CRAMP1: variants seen among roughly 807,000 people sequenced by gnomAD.
CRAMP1 encodes the protein cramped chromatin regulator 1.
In CRAMP1, 50 loss-of-function variants were observed where a neutral mutation model predicts 115.4. The observed-to-expected ratio is 0.43, with a 90% CI of 0.35 to 0.55. CRAMP1 has a LOEUF of 0.55. Ranked by LOEUF, CRAMP1 falls within the 20% of genes least tolerant of loss-of-function variation. The pLI, the probability that CRAMP1 is intolerant of heterozygous loss-of-function variation, is 0.01. For missense variants in CRAMP1, 1,679 were observed against 1,721.7 expected (o/e 0.98, Z 0.44); for synonymous variants, 866 against 745.4 (o/e 1.16, Z -2.64).
At position 1,655,902 on chromosome 16, in the gene CRAMP1, T is replaced by G. The variant is rs766187790; in HGVS notation, c.1145T>G (p.Leu382Arg). The G allele has an allele frequency of 1.9e-6, 3 of 1,611,324 alleles. No individual in the cohort carries two copies. The highest frequency in any genetic ancestry group is 2.5e-6 in the Non-Finnish European group (3 of 1,178,504). ...RVRKTLEERQ[L>R]QDSCSAPMQE... ...CGGAAGACACTCGAGGAGCGGCAGC[T>G]GCAGGACTCATGCTCCGCACCGATG... The change falls in exon 10 of 21, where the codon CTG becomes CGG. Residue 382 changes from leucine to arginine, a missense_variant. Transcript: ENST00000397412.
intron 1 of CRAMP1, among the ~76,000 whole-genome samples, chr16:1,613,165 G>A (rs1292071725): frequency 6.6e-6 from 1 of 152,154 alleles, no homozygotes; most frequent in Non-Finnish European, 1.5e-5. Flanking sequence ...TGGGTTGAGG[G>A]GGAAGAGTGG....
intron 6 of CRAMP1, among the ~76,000 whole-genome samples, chr16:1,651,364 CAGGTCACGGAAAGGTGGACTGAG>C (rs1244920243): frequency 6.8e-6 from 1 of 146,394 alleles, no homozygotes; most frequent in Non-Finnish European, 1.5e-5. Context: ...AGGTCACGCA[CAGGTCACGGAAAGGTGGACTGAG>C]AGGTCACGGA....
chr16:1,646,846 TAGG>T (rs1465722533), intron 6 of CRAMP1, among the ~76,000 whole-genome samples: 1 of 152,268 alleles, frequency 6.6e-6, no homozygotes, highest in Admixed American at 6.5e-5. Context: ...ATGTGAAGTT[TAGG>T]AGGAGCTTTG....
chr16:1,615,012 C>T lies in CRAMP1; in HGVS notation c.346+27C>T, dbSNP rs754153222. On this transcript the variant is annotated intron_variant, in intron 2 of 20. Coordinates refer to ENST00000397412, the MANE Select transcript of CRAMP1 (RefSeq NM_020825.4). The stretch of plus-strand genomic sequence containing the variant: ...TAGGGCGGCCCGTCCCCTTGGGAGA[C>T]CCCAGCCCCTCTCCGGGGTGTGCCG... 9.2e-6 allele frequency: 11 copies of T among 1,200,504 alleles called. No individual in the cohort carries two copies. The African/African-American group carries it at 1.7e-4, about 19-fold the overall frequency. 74.4% of individuals were successfully genotyped at this position (1,200,504 alleles called of 1,614,324 possible).
rs1394121382 is a variant in CRAMP1, at chr16:1,672,352, G to C, written c.3646-1529G>C. On this transcript the variant is annotated intron_variant, in intron 20 of 20. Transcript: ENST00000397412. The surrounding 1 kb of genome is among the most constrained non-coding windows in gnomAD (Gnocchi z 4.9). ...TCAGCGTTTAGCATGAGATTTTCCCGAGAGCCCTCCACTCAGAACGTGAGT... is the reference window on the plus strand; with the variant it reads ...TCAGCGTTTAGCATGAGATTTTCCCCAGAGCCCTCCACTCAGAACGTGAGT... 6.6e-6 allele frequency among the ~76,000 whole-genome samples: 1 copy of C among 152,104 alleles called. No homozygotes were observed. Among genetic ancestry groups the C allele is most frequent in the Non-Finnish European group, 1.5e-5 (1 of 68,032 alleles).
chr16:1,667,479 C>T, intron 17 of CRAMP1, 79 bp downstream of exon 17: 1 of 1,130,924 alleles, frequency 8.8e-7, no homozygotes, highest in South Asian at 1.3e-5. Context: ...CACCTGCAGT[C>T]TTGGAGTGGC....
intron 6 of CRAMP1, among the ~76,000 whole-genome samples, chr16:1,652,216 T>G (rs2036730681): frequency 1.3e-5 from 2 of 152,220 alleles, no homozygotes; most frequent in Non-Finnish European, 1.5e-5. Context: ...CATCAGCTTG[T>G]GCCAGGCCAG....
chr16:1,624,564 G>A (rs929501696), intron 2 of CRAMP1, among the ~76,000 whole-genome samples: 1 of 151,384 alleles, frequency 6.6e-6, no homozygotes, highest in Non-Finnish European at 1.5e-5. Context: ...GACTACAGGC[G>A]TGCACCACCA....
intron 13 of CRAMP1, 67 bp downstream of exon 13, chr16:1,662,902 C>A: frequency 1.6e-6 from 2 of 1,229,212 alleles, no homozygotes; most frequent in Non-Finnish European, 2.3e-6. Flanking sequence ...AGGGCTTCTT[C>A]CCTCTCTCAC....
rs558720227 is a variant in CRAMP1 at position 1,669,671 on chromosome 16, T to C, written c.3499+506T>C. Among the ~76,000 whole-genome samples, 4 of 152,330 alleles carry C rather than the reference T, an allele frequency of 2.6e-5. No homozygotes were observed. The highest frequency in any genetic ancestry group is 2.1e-4 in the South Asian group (1 of 4,824). On this transcript the variant is annotated intron_variant, in intron 19 of 20. Coordinates refer to ENST00000397412, the MANE Select transcript of CRAMP1 (RefSeq NM_020825.4). The surrounding 1 kb of genome is among the most constrained non-coding windows in gnomAD (Gnocchi z 4.6). ...TCCATCCTCCTCCCCCACTGCCCGTTTGCCCACTGGGTAGCAAGTGTGGCA... is the reference window on the plus strand; with the variant it reads ...TCCATCCTCCTCCCCCACTGCCCGTCTGCCCACTGGGTAGCAAGTGTGGCA...
rs141757913 is a variant in CRAMP1, at chr16:1,627,896, T to A, written c.540+1730T>A. Among the ~76,000 whole-genome samples the A allele has an allele frequency of 1.8e-4, 27 of 152,282 alleles. No homozygotes were observed. In the East Asian group the frequency reaches 4.8e-3, roughly 27 times the overall value. ...TCAGCAACCATTGCTGATTTTTGCC[T>A]GAAACAATTACTCCTGTGGTGTGGC... On this transcript the variant is annotated intron_variant, in intron 3 of 20. Coordinates refer to ENST00000397412, the MANE Select transcript of CRAMP1 (RefSeq NM_020825.4).
chr16:1,668,859 A>G lies in CRAMP1; in HGVS notation c.3335-142A>G, dbSNP rs982728271. The G allele has an allele frequency of 7.8e-6, 6 of 766,308 alleles. No homozygotes were observed. The Admixed American group carries it at 1.1e-4, about 14-fold the overall frequency. 47.5% of individuals were successfully genotyped at this position (766,308 alleles called of 1,614,324 possible). The stretch of plus-strand genomic sequence containing the variant: ...GCTGTTCTGCGGTGCTGCGCTCCTT[A>G]CCTGCCGAGCCATGCCATCCATCTG... On this transcript the variant is annotated intron_variant, in intron 18 of 20. Coordinates refer to ENST00000397412, the MANE Select transcript of CRAMP1 (RefSeq NM_020825.4).
At chr16:1,630,573 G>C (rs1381608228) in intron 3 of CRAMP1, among the ~76,000 whole-genome samples, 1 of 152,336 alleles carries the variant, frequency 6.6e-6, no homozygotes. Flanking sequence ...TATGAGCACA[G>C]ACATGGCCCT....
intron 2 of CRAMP1, among the ~76,000 whole-genome samples, chr16:1,619,114 A>G (rs1028457314): frequency 6.6e-6 from 1 of 152,238 alleles, no homozygotes; most frequent in Admixed American, 6.5e-5. Context: ...GAAAATTAAC[A>G]TCGTTGTATA....
chr16:1,661,538 G>A (rs1053333773), intron 11 of CRAMP1, among the ~76,000 whole-genome samples: 4 of 151,176 alleles, frequency 2.6e-5, no homozygotes, highest in East Asian at 3.9e-4. Flanking sequence ...CCTGGGTGAC[G>A]GAGGGGGTCG....
At chr16:1,616,818 C>CT (rs1008931996) in intron 2 of CRAMP1, among the ~76,000 whole-genome samples, 3,565 of 144,824 alleles carry the variant, frequency 0.025, 153 homozygotes, top group African/African-American at 0.08. Flanking sequence ...GCAAATATAT[C>CT]TTTTTTTTTT....
Position 1,675,790 on chromosome 16 carries a change from A to G in CRAMP1, c.*1745A>G, listed in dbSNP as rs947436891. The G allele has an allele frequency of 2.0e-5, 3 of 152,250 alleles. No homozygotes were observed. The highest frequency in any genetic ancestry group is 2.1e-4 in the South Asian group (1 of 4,832). The allele number at this position is 152,250 out of a possible 1,614,324, so 9.4% of individuals were successfully genotyped here. A position where few individuals can be genotyped will look rare whatever the true frequency, so the allele number is the denominator to read the frequency against. On this transcript the variant is annotated 3_prime_UTR_variant, in exon 21 of 21. Transcript: ENST00000397412. The stretch of plus-strand genomic sequence containing the variant: ...CTTCAGACATTGACATGAGATCTTA[A>G]GCAAACAGTCCCAAACCTCTTAGGG...
rs2036691723 is a variant in CRAMP1 at position 1,648,055 on chromosome 16, C to CG, written c.828-4439dup. Among the ~76,000 whole-genome samples, 3 of 151,482 alleles carry CG rather than the reference C, an allele frequency of 2.0e-5. No individual in the cohort carries two copies. In the South Asian group the frequency reaches 6.2e-4, roughly 31 times the overall value. Reference sequence around the variant, plus strand: ...AGAACTTCCATTTGAGAGAAAAAGACGGAGGACTGTAACCTCAGAATGGTT... The same window carrying CG: ...AGAACTTCCATTTGAGAGAAAAAGACGGGAGGACTGTAACCTCAGAATGGTT... On this transcript the variant is annotated intron_variant, in intron 6 of 20. Coordinates refer to ENST00000397412, the MANE Select transcript of CRAMP1 (RefSeq NM_020825.4).
intron 2 of CRAMP1, among the ~76,000 whole-genome samples, chr16:1,622,763 T>A (rs1052117346): frequency 6.6e-6 from 1 of 150,388 alleles, no homozygotes; most frequent in African/African-American, 2.4e-5. Flanking sequence ...CTTTTTTTTT[T>A]TTTTTTTTTC....
Sources: allele counts gnomAD v4.1 joint callset (sites outside exome capture counted in the v4.1 genomes callset), GRCh38; gene constraint gnomAD v4.1.1; non-coding constraint Gnocchi (gnomAD v3.1); transcripts MANE v1.5; gene names NCBI Gene and HGNC (gene_info 2026-07-23, HGNC 2026-07-21).